RAB15: variants seen among roughly 807,000 people sequenced by gnomAD.
RAB15 encodes the protein ras-related protein Rab-15.
RAB15 carries 13 observed loss-of-function variants against 31.8 expected under a neutral mutation model. The ratio of observed to expected loss-of-function variants is 0.41; its 90% CI spans 0.27 to 0.65. The LOEUF is 0.65. Among genes scored for constraint, RAB15 ranks in the 30% least tolerant of loss-of-function variants. The pLI, the probability that RAB15 is intolerant of heterozygous loss-of-function variation, is 0.32. For synonymous variants in RAB15, 100 were observed against 105.6 expected, an observed-to-expected ratio of 0.95 and a Z score of 0.33; for missense variants, 220 against 277.3, an observed-to-expected ratio of 0.79 and a Z score of 1.47.
chr14:64,964,536 A>AAG lies in RAB15; in HGVS notation c.124+7416_124+7417insCT, dbSNP rs1479889322. Among the ~76,000 whole-genome samples, 595 of 151,000 alleles carry AAG rather than the reference A, an allele frequency of 3.9e-3. 4 individuals are homozygous for AAG. The highest frequency in any genetic ancestry group is 0.014 in the African/African-American group (563 of 40,674). On this transcript the variant is annotated intron_variant, in intron 1 of 6. Transcript: ENST00000533601. The stretch of plus-strand genomic sequence containing the variant: ...TCTGTTTCAAAAAAAAAAAAGAAAA[A>AAG]AAGAAAAAAGAAAGAAAAGAAAACA...
rs1886020633 is a variant in RAB15, at chr14:64,948,226, A to G, written c.*128T>C. The G allele has an allele frequency of 1.0e-5, 10 of 960,336 alleles. No individual in the cohort carries two copies. Among genetic ancestry groups the G allele is most frequent in the Non-Finnish European group, 1.5e-5 (10 of 688,870 alleles). 59.5% of individuals were successfully genotyped at this position (960,336 alleles called of 1,614,324 possible). A position where few individuals can be genotyped will look rare whatever the true frequency, so the allele number is the denominator to read the frequency against. On this transcript the variant is annotated 3_prime_UTR_variant, in exon 7 of 7. Transcript: ENST00000533601. The surrounding 1 kb of genome is among the most constrained non-coding windows in gnomAD (Gnocchi z 7.0). ...GCTCTCAGGGCCAGGCAGGGGGAGT[A>G]GTGGCTACTGATACTCAATAGGGTC...
Position 64,962,752 on chromosome 14 carries a change from T to C in RAB15, c.124+9201A>G, listed in dbSNP as rs1462903823. Among the ~76,000 whole-genome samples, 2 of 152,170 alleles carry C rather than the reference T, an allele frequency of 1.3e-5. No individual in the cohort carries two copies. The highest frequency in any genetic ancestry group is 4.8e-5 in the African/African-American group (2 of 41,430). On this transcript the variant is annotated intron_variant, in intron 1 of 6. Transcript: ENST00000533601. This position sits in a 1 kb window ranked among gnomAD's most constrained non-coding sequence, Gnocchi z 4.2. ...GGGTCAACAGTACTCTCTCCTTTGT[T>C]ACAAAAGGGGAACTGCAGCAAGACC... is the stretch of plus-strand genomic sequence containing the variant.
chr14:64,964,826 T>C (rs1018005962), intron 1 of RAB15, among the ~76,000 whole-genome samples: 7 of 152,202 alleles, frequency 4.6e-5, no homozygotes, highest in South Asian at 4.2e-4. Flanking sequence ...CTGCCCACCT[T>C]GGCCTCCCAA....
chr14:64,946,098 A>G lies in RAB15; in HGVS notation c.*2256T>C, dbSNP rs1885907817. On this transcript the variant is annotated 3_prime_UTR_variant, in exon 7 of 7. Transcript: ENST00000533601. ...TTTAGGGTGAGCGTAGCTGCACCCTAAAATCCCAATTCTCCTTCTGCTCCC... is the reference window on the plus strand; with the variant it reads ...TTTAGGGTGAGCGTAGCTGCACCCTGAAATCCCAATTCTCCTTCTGCTCCC... The G allele has an allele frequency of 6.6e-6, 1 of 152,638 alleles. No individual in the cohort carries two copies. Among genetic ancestry groups the G allele is most frequent in the Non-Finnish European group, 1.5e-5 (1 of 68,064 alleles). The allele number at this position is 152,638 out of a possible 1,614,324, so 9.5% of individuals were successfully genotyped here. A position where few individuals can be genotyped will look rare whatever the true frequency, so the allele number is the denominator to read the frequency against.
chr14:64,964,883 C>T (rs1182275340), intron 1 of RAB15, among the ~76,000 whole-genome samples: 1 of 152,098 alleles, frequency 6.6e-6, no homozygotes, highest in African/African-American at 2.4e-5. Context: ...CCATAACCCA[C>T]ATTTCAAAGC....
At chr14:64,967,287 G>C (rs1161874428) in intron 1 of RAB15, among the ~76,000 whole-genome samples, 2 of 152,214 alleles carry the variant, frequency 1.3e-5, no homozygotes, top group Non-Finnish European at 2.9e-5. Flanking sequence ...CTAAGGATGG[G>C]AGGGAGAAAA....
Position 64,972,124 on chromosome 14 carries a change from C to T in RAB15, c.-48G>A. 7.6e-7 allele frequency: 1 copy of T among 1,321,912 alleles called. No individual in the cohort carries two copies. Among genetic ancestry groups the T allele is most frequent in the Non-Finnish European group, 9.7e-7 (1 of 1,031,332 alleles). 81.9% of individuals were successfully genotyped at this position (1,321,912 alleles called of 1,614,324 possible). On this transcript the variant is annotated 5_prime_UTR_variant, in exon 1 of 7. Coordinates refer to ENST00000533601, the MANE Select transcript of RAB15 (RefSeq NM_001308154.2). The surrounding 1 kb of genome is among the most constrained non-coding windows in gnomAD (Gnocchi z 6.3). ...AACTGCGGGCGGGCAGCGGGCTCAGCCCTGCTCCGCCGCTGCCATCGCGGC... is the reference window on the plus strand; with the variant it reads ...AACTGCGGGCGGGCAGCGGGCTCAGTCCTGCTCCGCCGCTGCCATCGCGGC...
At position 64,962,918 on chromosome 14, in the gene RAB15, A is replaced by G. The variant is rs1566847743; in HGVS notation, c.124+9035T>C. ...CACTTACACTTGTCTGGAGGCGTGA[A>G]CCTGAAGAATACACCAAGAAACTTC... On this transcript the variant is annotated intron_variant, in intron 1 of 6. Transcript: ENST00000533601. The surrounding 1 kb of genome is among the most constrained non-coding windows in gnomAD (Gnocchi z 4.2). Among the ~76,000 whole-genome samples, 1 of 152,100 alleles carries G rather than the reference A, an allele frequency of 6.6e-6. No individual in the cohort carries two copies. The highest frequency in any genetic ancestry group is 1.5e-5 in the Non-Finnish European group (1 of 68,022).
chr14:64,948,986 G>A lies in RAB15; in HGVS notation c.415-253C>T, dbSNP rs996669156. ...CTCCCAACACACAATCATATATCAG[G>A]AGATAAAGACACCATCCATTGTGGC... On this transcript the variant is annotated intron_variant, in intron 5 of 6. Transcript: ENST00000533601. The surrounding 1 kb of genome is among the most constrained non-coding windows in gnomAD (Gnocchi z 7.0). 3.9e-5 allele frequency among the ~76,000 whole-genome samples: 6 copies of A among 152,174 alleles called. No homozygotes were observed. Among genetic ancestry groups the A allele is most frequent in the African/African-American group, 1.4e-4 (6 of 41,434 alleles).
At position 64,946,727 on chromosome 14, in the gene RAB15, T is replaced by G. The variant is rs1245170646; in HGVS notation, c.*1627A>C. On this transcript the variant is annotated 3_prime_UTR_variant, in exon 7 of 7. Coordinates refer to ENST00000533601, the MANE Select transcript of RAB15 (RefSeq NM_001308154.2). ...TGGATTTTGGTTCTTAGTTGATGAA[T>G]ACTCAACACCCAGTTCTTTGTTTTG... is the stretch of plus-strand genomic sequence containing the variant. 1 of 152,334 alleles carries G rather than the reference T, an allele frequency of 6.6e-6. No individual in the cohort carries two copies. The highest frequency in any genetic ancestry group is 1.5e-5 in the Non-Finnish European group (1 of 68,052). The allele number at this position is 152,334 out of a possible 1,614,324, so 9.4% of individuals were successfully genotyped here. A position where few individuals can be genotyped will look rare whatever the true frequency, so the allele number is the denominator to read the frequency against.
chr14:64,965,802 G>A (rs1466774823), intron 1 of RAB15, among the ~76,000 whole-genome samples: 1 of 152,206 alleles, frequency 6.6e-6, no homozygotes, highest in African/African-American at 2.4e-5. Flanking sequence ...AGGGAGTGCA[G>A]GTAGGCGGGA....
rs372612117 is a variant in RAB15, at chr14:64,959,700, GAAAACAA to G, written c.125-7136_125-7130del. ...GCAAGAAAGTGAGACCCCATCTCTA[GAAAACAA>G]AAAACAAAAAACAAAAAAACCCAGG... On this transcript the variant is annotated intron_variant, in intron 1 of 6. Transcript: ENST00000533601. Among the ~76,000 whole-genome samples the G allele has an allele frequency of 8.6e-4, 130 of 151,622 alleles. 3 individuals carry two copies. The East Asian group carries it at 0.017, about 20-fold the overall frequency.
chr14:64,960,357 C>T (rs1382040350), intron 1 of RAB15, among the ~76,000 whole-genome samples: 1 of 152,214 alleles, frequency 6.6e-6, no homozygotes, highest in Non-Finnish European at 1.5e-5. Context: ...GGCACATCCA[C>T]ACTAAAGAAC....
At position 64,950,986 on chromosome 14, in the gene RAB15, A is replaced by G. The variant is rs1180345179; in HGVS notation, c.324+88T>C. 1 of 1,613,954 alleles carries G rather than the reference A, an allele frequency of 6.2e-7. No homozygotes were observed. The highest frequency in any genetic ancestry group is 8.5e-7 in the Non-Finnish European group (1 of 1,179,962). On this transcript the variant is annotated intron_variant, in intron 4 of 6. Transcript: ENST00000533601. The surrounding 1 kb of genome is among the most constrained non-coding windows in gnomAD (Gnocchi z 5.6). ...GGCTGTGGAAGGCAAAGCTTCCTGG[A>G]AGCATTTGCCTTCCCATCTGGCCCT...
At position 64,951,875 on chromosome 14, in the gene RAB15, T is replaced by G. The variant is rs946454715; in HGVS notation, c.186-212A>C. Among the ~76,000 whole-genome samples, 4 of 152,186 alleles carry G rather than the reference T, an allele frequency of 2.6e-5. No homozygotes were observed. The highest frequency in any genetic ancestry group is 2.6e-4 in the Admixed American group (4 of 15,282). On this transcript the variant is annotated intron_variant, in intron 2 of 6. Coordinates refer to ENST00000533601, the MANE Select transcript of RAB15 (RefSeq NM_001308154.2). The surrounding 1 kb of genome is among the most constrained non-coding windows in gnomAD (Gnocchi z 7.2). ...CAGGGCCTTGGCCCCTCCTGCCAACTGCCCTCCTGGCAGAAACCAGAAGCC... is the reference window on the plus strand; with the variant it reads ...CAGGGCCTTGGCCCCTCCTGCCAACGGCCCTCCTGGCAGAAACCAGAAGCC...
Position 64,948,640 on chromosome 14 carries a change from G to A in RAB15, c.480+28C>T, listed in dbSNP as rs1199888127. 12 of 1,613,244 alleles carry A rather than the reference G, an allele frequency of 7.4e-6. No individual in the cohort carries two copies. The highest frequency in any genetic ancestry group is 1.0e-5 in the Non-Finnish European group (12 of 1,179,322). On this transcript the variant is annotated intron_variant, in intron 6 of 6. Transcript: ENST00000533601. The surrounding 1 kb of genome is among the most constrained non-coding windows in gnomAD (Gnocchi z 7.0). ...CCTCTGCTGGACTCAGCCCGAGAGA[G>A]CGGGCGCCTGGTCACCAGGGCTCTC...
chr14:64,969,683 A>G (rs370817752), intron 1 of RAB15, among the ~76,000 whole-genome samples: 103 of 152,298 alleles, frequency 6.8e-4, no homozygotes, highest in Non-Finnish European at 1.3e-3. Flanking sequence ...TTTTAGGCCA[A>G]TATACCAAGG....
In RAB15 at chr14:64,953,918, C is replaced by T. The variant is rs1886402810; in HGVS notation, c.125-1347G>A. On this transcript the variant is annotated intron_variant, in intron 1 of 6. Coordinates refer to ENST00000533601, the MANE Select transcript of RAB15 (RefSeq NM_001308154.2). The surrounding 1 kb of genome is among the most constrained non-coding windows in gnomAD (Gnocchi z 4.6). ...CCCGGCCCAGAAGGCCTGAAGGCACCAGCATCCCCATCACCACTGCCACTC... is the reference window on the plus strand; with the variant it reads ...CCCGGCCCAGAAGGCCTGAAGGCACTAGCATCCCCATCACCACTGCCACTC... The T allele has an allele frequency of 2.0e-6, 2 of 985,292 alleles. No homozygotes were observed. Among genetic ancestry groups the T allele is most frequent in the South Asian group, 9.4e-5 (2 of 21,284 alleles). 61.0% of individuals were successfully genotyped at this position (985,292 alleles called of 1,614,324 possible). A position where few individuals can be genotyped will look rare whatever the true frequency, so the allele number is the denominator to read the frequency against.
In RAB15 at chr14:64,971,307, G is replaced by T. The variant is rs1887403912; in HGVS notation, c.124+646C>A. Among the ~76,000 whole-genome samples the T allele has an allele frequency of 1.3e-5, 2 of 152,176 alleles. No homozygotes were observed. The highest frequency in any genetic ancestry group is 2.9e-5 in the Non-Finnish European group (2 of 68,032). On this transcript the variant is annotated intron_variant, in intron 1 of 6. Coordinates refer to ENST00000533601, the MANE Select transcript of RAB15 (RefSeq NM_001308154.2). The surrounding 1 kb of genome is among the most constrained non-coding windows in gnomAD (Gnocchi z 4.1). ...CCTGCCTTCTGACCCCTTGGTCTGG[G>T]CAGGTATTCCTGACACTCCTCCATC... is the stretch of plus-strand genomic sequence containing the variant.
Sources: allele counts gnomAD v4.1 joint callset (sites outside exome capture counted in the v4.1 genomes callset), GRCh38; gene constraint gnomAD v4.1.1; non-coding constraint Gnocchi (gnomAD v3.1); transcripts MANE v1.5; gene names NCBI Gene and HGNC (gene_info 2026-07-23, HGNC 2026-07-21).